CSMD2: variants seen among roughly 807,000 people sequenced by gnomAD.
The protein encoded by CSMD2 is CUB and Sushi multiple domains 2.
CSMD2 carries 130 observed loss-of-function variants against 398.5 expected under a neutral mutation model. The ratio of observed to expected loss-of-function variants is 0.33; its 90% confidence interval spans 0.28 to 0.38. The LOEUF (loss-of-function observed/expected upper bound fraction) is 0.38. Among genes scored for constraint, CSMD2 ranks in the 10% least tolerant of loss-of-function variants. The pLI is 1.00. For missense variants in CSMD2, 3,829 were observed against 4,764.9 expected, an observed-to-expected ratio of 0.80 and a Z score of 5.78; for synonymous variants, 1,828 against 1,908.5, an observed-to-expected ratio of 0.96 and a Z score of 1.10.
rs7533679 is a variant in CSMD2 at position 34,083,302 on chromosome 1, T to C, written c.404+5675A>G. On this transcript the variant is annotated intron_variant, in intron 2 of 70. Coordinates refer to ENST00000373381, the MANE Select transcript of CSMD2 (RefSeq NM_001281956.2). ...AGGAAAGAGGGGCCCCCAAAGAATC[T>C]TCTAGCTCTCGCTCTTTGTCACTCT... Among the ~76,000 whole-genome samples, 1,522 of 152,306 alleles carry C rather than the reference T, an allele frequency of 1.0e-2. 21 individuals are homozygous for C. Among genetic ancestry groups the C allele is most frequent in the African/African-American group, 0.033 (1,382 of 41,560 alleles).
At chr1:33,803,001 T>G (rs906420927) in intron 10 of CSMD2, among the ~76,000 whole-genome samples, 1 of 152,216 alleles carries the variant, frequency 6.6e-6, no homozygotes, top group African/African-American at 2.4e-5. Context: ...ACCCTACTGC[T>G]GTCTGTTGCT....
In CSMD2 at chr1:33,739,213, C is replaced by T; in HGVS notation, c.2295G>A (p.Gln765=). 6.2e-7 allele frequency: 1 copy of T among 1,614,180 alleles called. No individual in the cohort carries two copies. Among genetic ancestry groups the T allele is most frequent in the Non-Finnish European group, 8.5e-7 (1 of 1,180,024 alleles). The change falls in exon 15 of 71, where the codon CAG becomes CAA. Residue 765 remains glutamine, a synonymous_variant. Coordinates refer to ENST00000373381, the MANE Select transcript of CSMD2 (RefSeq NM_001281956.2). ...FLCDEGFLGT[Q]GSETITCVLK... is the part of the protein sequence containing the mutation. ...GGACGCAGGTGATGGTCTCTGAGCC[C>T]TGAGTCCCAAGGAAGCCTTCATCAC... is the stretch of plus-strand genomic sequence containing the variant.
intron 53 of CSMD2, among the ~76,000 whole-genome samples, chr1:33,564,416 C>T (rs983657261): frequency 2.0e-5 from 3 of 152,196 alleles, no homozygotes; most frequent in Non-Finnish European, 4.4e-5. Context: ...ACATTCTCCA[C>T]CCAGACCCCG....
intron 41 of CSMD2, among the ~76,000 whole-genome samples, chr1:33,609,100 G>C (rs1640828362): frequency 6.6e-6 from 1 of 152,226 alleles, no homozygotes; most frequent in South Asian, 2.1e-4. Flanking sequence ...CACCTTCCCT[G>C]GGTGTGGCAG....
At chr1:33,995,126 C>G (rs1646685724) in intron 3 of CSMD2, among the ~76,000 whole-genome samples, 1 of 151,698 alleles carries the variant, frequency 6.6e-6, no homozygotes, top group Non-Finnish European at 1.5e-5. Flanking sequence ...AGTCCTGAAC[C>G]CAATGGGTTC....
At chr1:34,069,602 C>T (rs1655497792) in intron 2 of CSMD2, among the ~76,000 whole-genome samples, 1 of 152,176 alleles carries the variant, frequency 6.6e-6, no homozygotes, top group African/African-American at 2.4e-5. Flanking sequence ...TCCCTAAATT[C>T]ACATGGAGAC....
chr1:33,523,044 C>A (rs1416367689), intron 67 of CSMD2, among the ~76,000 whole-genome samples: 2 of 152,234 alleles, frequency 1.3e-5, no homozygotes, highest in African/African-American at 2.4e-5. Flanking sequence ...CCATCCCTTG[C>A]TTTCTGTTCA....
chr1:33,892,092 T>A (rs1558062885), intron 5 of CSMD2, among the ~76,000 whole-genome samples: 1 of 148,690 alleles, frequency 6.7e-6, no homozygotes, highest in African/African-American at 2.5e-5. Flanking sequence ...AAAGACACCA[T>A]CAAAAAAAAA....
At chr1:34,160,491 A>G (rs1385067071) in intron 1 of CSMD2, among the ~76,000 whole-genome samples, 1 of 152,114 alleles carries the variant, frequency 6.6e-6, no homozygotes, top group Non-Finnish European at 1.5e-5. Flanking sequence ...AGGGGACCAG[A>G]TGTCTTTGTC....
intron 4 of CSMD2, among the ~76,000 whole-genome samples, chr1:33,927,449 G>A (rs955073675): frequency 1.3e-5 from 2 of 152,164 alleles, no homozygotes; most frequent in East Asian, 1.9e-4. Flanking sequence ...GCCAGGCATT[G>A]TGCAAAATGC....
chr1:34,031,089 CTTT>C (rs879272380), intron 3 of CSMD2, among the ~76,000 whole-genome samples: 2 of 142,136 alleles, frequency 1.4e-5, no homozygotes. Context: ...TTGGTAGGAA[CTTT>C]TTTTTTTTTT....
At chr1:34,110,421 A>C (rs977815135) in intron 1 of CSMD2, among the ~76,000 whole-genome samples, 4 of 152,178 alleles carry the variant, frequency 2.6e-5, no homozygotes, top group African/African-American at 9.7e-5. Context: ...TATTCACAAG[A>C]GCAAAAACAT....
intron 67 of CSMD2, 142 bp downstream of exon 67, chr1:33,523,165 C>T (rs1654463296): frequency 3.7e-6 from 2 of 546,184 alleles, no homozygotes; most frequent in South Asian, 6.6e-5. Context: ...TGAGGATCCT[C>T]TTGCTGCTCC....
At chr1:33,572,041 T>C (rs1432848961) in intron 50 of CSMD2, among the ~76,000 whole-genome samples, 1 of 152,240 alleles carries the variant, frequency 6.6e-6, no homozygotes, top group Non-Finnish European at 1.5e-5. Context: ...TGGATTTTAA[T>C]GTAAAATTTC....
At chr1:33,687,777 GAAA>G in intron 25 of CSMD2, among the ~76,000 whole-genome samples, 1 of 151,732 alleles carries the variant, frequency 6.6e-6, no homozygotes, top group Admixed American at 6.6e-5. Flanking sequence ...CTTAGTAACT[GAAA>G]AAATTCTTAA....
chr1:34,151,385 A>T (rs1041680944), intron 1 of CSMD2, among the ~76,000 whole-genome samples: 5 of 152,134 alleles, frequency 3.3e-5, no homozygotes, highest in Admixed American at 1.3e-4. Flanking sequence ...ATGGGGTTGA[A>T]GCCTGGTTAA....
intron 2 of CSMD2, among the ~76,000 whole-genome samples, chr1:34,080,410 T>C (rs550039528): frequency 6.6e-6 from 1 of 152,202 alleles, no homozygotes; most frequent in Non-Finnish European, 1.5e-5. Context: ...CATAATTTTT[T>C]CACCTTTCAT....
At chr1:33,870,858 T>C (rs552329716) in intron 5 of CSMD2, 1 of 152,182 alleles carries the variant, frequency 6.6e-6, no homozygotes, top group South Asian at 2.1e-4. Flanking sequence ...CTGCCTCTTC[T>C]CTCTCACTTG....
chr1:33,528,239 A>C (rs1411616728), intron 64 of CSMD2, among the ~76,000 whole-genome samples: 1 of 152,224 alleles, frequency 6.6e-6, no homozygotes, highest in East Asian at 1.9e-4. Flanking sequence ...TTGCCTCCTC[A>C]TTTGAAACCT....
Sources: gnomAD v4.1 joint callset for allele counts (sites outside exome capture counted in the v4.1 genomes callset) on GRCh38, gnomAD v4.1.1 for gene constraint, MANE v1.5 for transcripts, NCBI Gene and HGNC (gene_info 2026-07-23, HGNC 2026-07-21) for gene names.